Variants in PDE4A observed in about 807,000 individuals in gnomAD.
PDE4A encodes phosphodiesterase 4A, also known as 3',5'-cyclic-AMP phosphodiesterase 4A.
A neutral mutation model predicts 73.9 loss-of-function variants in PDE4A; 21 were observed. The ratio of observed to expected loss-of-function variants is 0.28; its 90% CI spans 0.20 to 0.41. The LOEUF is 0.41. Among genes scored for constraint, PDE4A ranks in the 10% least tolerant of loss-of-function variants. The pLI is 1.00. For missense variants in PDE4A, 958 were observed against 1,211.4 expected, an observed-to-expected ratio of 0.79 and a Z score of 3.10; for synonymous variants, 463 against 505.4, an observed-to-expected ratio of 0.92 and a Z score of 1.13.
intron 1 of PDE4A, among the ~76,000 whole-genome samples, chr19:10,441,427 C>T (rs2042936080): frequency 6.9e-6 from 1 of 144,898 alleles, no homozygotes; most frequent in African/African-American, 2.5e-5. Flanking sequence ...GTGCCCAGCC[C>T]TTTTTTTTTT....
chr19:10,453,209 A>T lies in PDE4A; in HGVS notation c.784-1620A>T. On this transcript the variant is annotated intron_variant, in intron 6 of 14. Coordinates refer to ENST00000380702, the MANE Select transcript of PDE4A (RefSeq NM_001111307.2). This position sits in a 1 kb window ranked among gnomAD's most constrained non-coding sequence, Gnocchi z 4.6. ...CTCCCCAGTGGTTGTTAACCCCGGGACTCCCCAAGCCCAGCCTCTGTGTGC... is the reference window on the plus strand; with the variant it reads ...CTCCCCAGTGGTTGTTAACCCCGGGTCTCCCCAAGCCCAGCCTCTGTGTGC... The T allele has an allele frequency of 6.4e-7, 1 of 1,558,654 alleles. No individual in the cohort carries two copies.
At chr19:10,452,343 G>A (rs567180162) in intron 6 of PDE4A, among the ~76,000 whole-genome samples, 42 of 151,852 alleles carry the variant, frequency 2.8e-4, no homozygotes, top group African/African-American at 9.7e-4. Flanking sequence ...AGGCTGAGGC[G>A]GGAGAATTGC....
chr19:10,452,383 G>A (rs55946222), intron 6 of PDE4A, among the ~76,000 whole-genome samples: 2,129 of 151,750 alleles, frequency 0.014, 60 homozygotes, highest in African/African-American at 0.049. Context: ...GTTGTGGTGA[G>A]CCGAGATCGT....
chr19:10,430,955 C>G, intron 1 of PDE4A: 1 of 1,531,716 alleles, frequency 6.5e-7, no homozygotes, highest in Non-Finnish European at 8.7e-7. Context: ...TGGCCCCGCG[C>G]GCGCCCCGCC....
In PDE4A at chr19:10,424,446, C is replaced by T. The variant is rs1459057301; in HGVS notation, c.320+3362C>T. 6.6e-6 allele frequency among the ~76,000 whole-genome samples: 1 copy of T among 152,202 alleles called. No individual in the cohort carries two copies. Among genetic ancestry groups the T allele is most frequent in the Non-Finnish European group, 1.5e-5 (1 of 68,020 alleles). On this transcript the variant is annotated intron_variant, in intron 1 of 14. Transcript: ENST00000380702. The surrounding 1 kb of genome is among the most constrained non-coding windows in gnomAD (Gnocchi z 4.8). ...CCTTGTCCCTGGCGCTCCCAAGTCC[C>T]TGGATGTGGGTTGGGAGCGGGTCTC...
chr19:10,436,017 C>T (rs1046247888), intron 1 of PDE4A, among the ~76,000 whole-genome samples: 5 of 152,312 alleles, frequency 3.3e-5, no homozygotes, highest in East Asian at 1.9e-4. Flanking sequence ...CTCCTGCTGA[C>T]GTGAGCTGAG....
intron 1 of PDE4A, among the ~76,000 whole-genome samples, chr19:10,428,412 G>A (rs1050844075): frequency 3.3e-5 from 5 of 152,070 alleles, no homozygotes; most frequent in African/African-American, 1.2e-4. Flanking sequence ...GAGAGAGAGA[G>A]AGAGAGATCA....
rs1040310175 is a variant in PDE4A, at chr19:10,458,853, A to G, written c.1102-547A>G. The stretch of plus-strand genomic sequence containing the variant: ...AGGCTGGTCTCGAACTCCTGGCCTC[A>G]AGTGATCCACCCGCCTTAGCCTCAC... On this transcript the variant is annotated intron_variant, in intron 8 of 14. Coordinates refer to ENST00000380702, the MANE Select transcript of PDE4A (RefSeq NM_001111307.2). This position sits in a 1 kb window ranked among gnomAD's most constrained non-coding sequence, Gnocchi z 4.6. 2 of 154,916 alleles carry G rather than the reference A, an allele frequency of 1.3e-5. No homozygotes were observed. Among genetic ancestry groups the G allele is most frequent in the Admixed American group, 1.3e-4 (2 of 15,826 alleles). The allele number at this position is 154,916 out of a possible 1,614,324, so 9.6% of individuals were successfully genotyped here.
upstream of PDE4A, chr19:10,419,080 T>C (rs1204819780): frequency 1.5e-5 from 14 of 963,482 alleles, no homozygotes; most frequent in Admixed American, 4.0e-4. Flanking sequence ...TTTTTTTTTT[T>C]CAAATAAGGA....
intron 2 of PDE4A, among the ~76,000 whole-genome samples, chr19:10,447,951 G>T (rs958689571): frequency 1.3e-5 from 2 of 151,818 alleles, no homozygotes; most frequent in African/African-American, 4.8e-5. Flanking sequence ...ATCAAGCCCC[G>T]CCCTTGCAAC....
At chr19:10,447,668 C>T (rs1838111183) in intron 2 of PDE4A, among the ~76,000 whole-genome samples, 1 of 152,098 alleles carries the variant, frequency 6.6e-6, no homozygotes, top group Non-Finnish European at 1.5e-5. Context: ...CCTGCCCGCC[C>T]TCAGTTACTT....
In PDE4A at chr19:10,453,379, C is replaced by T. The variant is rs2043124252; in HGVS notation, c.784-1450C>T. On this transcript the variant is annotated intron_variant, in intron 6 of 14. Coordinates refer to ENST00000380702, the MANE Select transcript of PDE4A (RefSeq NM_001111307.2). This position sits in a 1 kb window ranked among gnomAD's most constrained non-coding sequence, Gnocchi z 4.6. ...GGGCGGGCATCCTGGTGAGCTGGGCCCCCGGTGTGGGCTTGTGTGTGCAGC... is the reference window on the plus strand; with the variant it reads ...GGGCGGGCATCCTGGTGAGCTGGGCTCCCGGTGTGGGCTTGTGTGTGCAGC... 1.3e-6 allele frequency: 2 copies of T among 1,583,646 alleles called. No homozygotes were observed. Among genetic ancestry groups the T allele is most frequent in the African/African-American group, 2.7e-5 (2 of 73,926 alleles).
At chr19:10,450,756 C>A in intron 5 of PDE4A, 73 bp from the exon 6 acceptor site, 1 of 1,578,528 alleles carries the variant, frequency 6.3e-7, no homozygotes, top group South Asian at 1.2e-5. Flanking sequence ...CGAACCCCGT[C>A]ACGGCGGTCT....
intron 7 of PDE4A, among the ~76,000 whole-genome samples, chr19:10,457,448 A>AGGGGGGG (rs2043189413): frequency 1.7e-5 from 1 of 59,380 alleles, no homozygotes; most frequent in Non-Finnish European, 3.2e-5. Context: ...GGGGGGGGGC[A>AGGGGGGG]GGGACATGGA....
intron 13 of PDE4A, 87 bp downstream of exon 13, chr19:10,462,086 C>T (rs991343532): frequency 3.5e-5 from 37 of 1,067,920 alleles, no homozygotes; most frequent in Non-Finnish European, 4.8e-5. Flanking sequence ...CCTTCCTCAG[C>T]CTCTTTCTCC....
intron 6 of PDE4A, among the ~76,000 whole-genome samples, chr19:10,454,282 T>C (rs2043138805): frequency 6.6e-6 from 1 of 152,176 alleles, no homozygotes; most frequent in African/African-American, 2.4e-5. Context: ...AGAGCTTGGC[T>C]ACCACGTTCC....
At chr19:10,465,660 ATAGCAATAGTTTG>A (rs2043354306) in intron 14 of PDE4A, among the ~76,000 whole-genome samples, 1 of 136,708 alleles carries the variant, frequency 7.3e-6, no homozygotes, top group Non-Finnish European at 1.5e-5. Context: ...AGGCAACTTC[ATAGCAATAGTTTG>A]TGGCTTTAGC....
upstream of PDE4A, chr19:10,417,965 G>A: frequency 7.4e-7 from 1 of 1,356,582 alleles, no homozygotes; most frequent in Non-Finnish European, 1.0e-6. Context: ...CATGCTCCCT[G>A]CCGTTTGCAA....
At chr19:10,461,746 G>T in intron 12 of PDE4A, 66 bp downstream of exon 12, 8 of 1,595,316 alleles carry the variant, frequency 5.0e-6, no homozygotes, top group Non-Finnish European at 6.8e-6. Flanking sequence ...TTGGGGAGGA[G>T]TGGGTCTGAG....
Sources: gnomAD v4.1 joint callset for allele counts (sites outside exome capture counted in the v4.1 genomes callset) on GRCh38, gnomAD v4.1.1 for gene constraint, Gnocchi (gnomAD v3.1) non-coding constraint, MANE v1.5 for transcripts, NCBI Gene and HGNC (gene_info 2026-07-23, HGNC 2026-07-21) for gene names.